The following GABRG3 variants were observed in gnomAD, a reference collection of about 807,000 sequenced individuals.
GABRG3 encodes the protein gamma-aminobutyric acid receptor subunit gamma-3.
A neutral mutation model predicts 48.8 loss-of-function variants in GABRG3; 25 were observed. The ratio of observed to expected loss-of-function variants is 0.51; its 90% CI spans 0.37 to 0.72. GABRG3 has a LOEUF of 0.72. GABRG3 is among the 30% of genes least tolerant of loss of function. The pLI, the probability that GABRG3 is intolerant of heterozygous loss-of-function variation, is 0.00. For missense variants in GABRG3, 394 were observed against 577.9 expected, an observed-to-expected ratio of 0.68 and a Z score of 3.26; for synonymous variants, 227 against 217.6, an observed-to-expected ratio of 1.04 and a Z score of -0.38.
At chr15:27,385,023 T>G (rs940434545) in intron 5 of GABRG3, among the ~76,000 whole-genome samples, 1 of 152,194 alleles carries the variant, frequency 6.6e-6, no homozygotes, top group African/African-American at 2.4e-5. Context: ...ATATAGAATA[T>G]TTTTATTATC....
intron 5 of GABRG3, among the ~76,000 whole-genome samples, chr15:27,331,048 T>A (rs140336727): frequency 1.5e-3 from 230 of 152,278 alleles, no homozygotes; most frequent in African/African-American, 5.3e-3. Context: ...GTGTACACAG[T>A]TATATACCTA....
At chr15:26,973,783 C>T (rs1291749659) in intron 1 of GABRG3, among the ~76,000 whole-genome samples, 1 of 152,162 alleles carries the variant, frequency 6.6e-6, no homozygotes, top group East Asian at 1.9e-4. Flanking sequence ...CCGCTTTAAG[C>T]TAAGGTGTAA....
At chr15:27,158,374 T>G (rs749571541) in intron 3 of GABRG3, 1 of 152,158 alleles carries the variant, frequency 6.6e-6, no homozygotes, top group Non-Finnish European at 1.5e-5. Flanking sequence ...GCCCCTCAAT[T>G]AAAACCCATA....
At chr15:27,189,896 T>G (rs2140421826) in intron 3 of GABRG3, among the ~76,000 whole-genome samples, 1 of 152,288 alleles carries the variant, frequency 6.6e-6, no homozygotes, top group East Asian at 1.9e-4. Context: ...TTGAGATACG[T>G]CCCATCAATA....
chr15:27,084,425 CA>C (rs961592857), intron 3 of GABRG3, among the ~76,000 whole-genome samples: 1 of 152,226 alleles, frequency 6.6e-6, no homozygotes, highest in African/African-American at 2.4e-5. Flanking sequence ...CCCTGACCCT[CA>C]GCCAGAATGT....
intron 3 of GABRG3, among the ~76,000 whole-genome samples, chr15:27,120,427 G>A (rs2046016244): frequency 6.6e-6 from 1 of 152,196 alleles, no homozygotes; most frequent in South Asian, 2.1e-4. Context: ...GTCTATGTGT[G>A]ATGTTACTTC....
chr15:27,020,211 T>C (rs538223298), intron 2 of GABRG3, among the ~76,000 whole-genome samples: 1 of 152,284 alleles, frequency 6.6e-6, no homozygotes, highest in African/African-American at 2.4e-5. Context: ...TCCATGGGCA[T>C]GTCCCCTCAC....
chr15:27,211,573 T>G (rs917599903), intron 3 of GABRG3, among the ~76,000 whole-genome samples: 3 of 152,228 alleles, frequency 2.0e-5, no homozygotes, highest in African/African-American at 7.2e-5. Context: ...GCAAAATGAC[T>G]AACAGCTTAA....
At chr15:27,138,813 GT>G (rs1406374427) in intron 3 of GABRG3, among the ~76,000 whole-genome samples, 2 of 152,150 alleles carry the variant, frequency 1.3e-5, no homozygotes, top group Non-Finnish European at 2.9e-5. Flanking sequence ...CCATTGTCCT[GT>G]TTTTCTTCTC....
At chr15:27,249,471 C>T (rs186302002) in intron 3 of GABRG3, among the ~76,000 whole-genome samples, 1 of 152,164 alleles carries the variant, frequency 6.6e-6, no homozygotes, top group Non-Finnish European at 1.5e-5. Flanking sequence ...AGATAAAGTA[C>T]CTTCTTAAAT....
chr15:27,409,151 G>C (rs921015068), intron 5 of GABRG3, among the ~76,000 whole-genome samples: 1 of 151,774 alleles, frequency 6.6e-6, no homozygotes, highest in African/African-American at 2.4e-5. Context: ...AATGGGTCTT[G>C]CTTCTGATAT....
chr15:27,405,856 A>G (rs201396978), intron 5 of GABRG3, among the ~76,000 whole-genome samples: 15,963 of 150,756 alleles, frequency 0.11, 1,364 homozygotes, highest in African/African-American at 0.23. Flanking sequence ...GGACTGGGGG[A>G]GGGAATATAG....
chr15:27,290,737 A>G (rs1214798242), intron 3 of GABRG3, among the ~76,000 whole-genome samples: 2 of 152,230 alleles, frequency 1.3e-5, no homozygotes, highest in Non-Finnish European at 2.9e-5. Flanking sequence ...TGATGGCTAA[A>G]TGTGATCTGG....
chr15:27,216,581 A>G (rs1444244658), intron 3 of GABRG3, among the ~76,000 whole-genome samples: 2 of 152,104 alleles, frequency 1.3e-5, no homozygotes, highest in East Asian at 1.9e-4. Context: ...TCCACCGCAC[A>G]TTTCTGAAAC....
intron 3 of GABRG3, among the ~76,000 whole-genome samples, chr15:27,282,082 A>G (rs1891453352): frequency 6.6e-6 from 1 of 152,086 alleles, no homozygotes; most frequent in Non-Finnish European, 1.5e-5. Context: ...TCTGATGAGA[A>G]ACCTGTTATC....
intron 3 of GABRG3, among the ~76,000 whole-genome samples, chr15:27,065,230 C>T (rs571711791): frequency 6.6e-6 from 1 of 152,298 alleles, no homozygotes; most frequent in South Asian, 2.1e-4. Context: ...ACTAAGTGAA[C>T]AAATGGATGC....
intron 5 of GABRG3, among the ~76,000 whole-genome samples, chr15:27,460,156 C>T (rs1200144668): frequency 1.3e-5 from 2 of 152,190 alleles, no homozygotes; most frequent in Non-Finnish European, 2.9e-5. Context: ...GGAAGTACCT[C>T]AAATACATCA....
At chr15:27,134,625 A>G (rs1033704852) in intron 3 of GABRG3, among the ~76,000 whole-genome samples, 1 of 151,858 alleles carries the variant, frequency 6.6e-6, no homozygotes, top group Non-Finnish European at 1.5e-5. Flanking sequence ...CTCCTCTCCT[A>G]GTGTTCACTG....
At chr15:27,437,022 A>AGAGAGAG (rs1888636618) in intron 5 of GABRG3, among the ~76,000 whole-genome samples, 1 of 151,038 alleles carries the variant, frequency 6.6e-6, no homozygotes, top group Non-Finnish European at 1.5e-5. Context: ...AGAGAGAGAG[A>AGAGAGAG]GAGAGAGAGA....
Sources: gnomAD v4.1 joint callset for allele counts (sites outside exome capture counted in the v4.1 genomes callset) on GRCh38, gnomAD v4.1.1 for gene constraint, MANE v1.5 for transcripts, NCBI Gene and HGNC (gene_info 2026-07-23, HGNC 2026-07-21) for gene names.